The following GGACT variants were observed in gnomAD, a reference collection of about 807,000 sequenced individuals.
GGACT encodes the protein gamma-glutamylamine cyclotransferase.
For synonymous variants in GGACT, 118 were observed against 115.3 expected, an observed-to-expected ratio of 1.02 and a Z score of -0.15; for missense variants, 241 against 233.2, an observed-to-expected ratio of 1.03 and a Z score of -0.22.
rs1375048962 is a variant in GGACT at position 100,540,375 on chromosome 13, T to C, written c.-10-7774A>G. On this transcript the variant is annotated intron_variant, in intron 2 of 2. Transcript: ENST00000683975. ...TAGGTTGTGTCTTTCTAGGAATTTGTCCATTTCATCTAGGTTAGACAATTT... is the reference window on the plus strand; with the variant it reads ...TAGGTTGTGTCTTTCTAGGAATTTGCCCATTTCATCTAGGTTAGACAATTT... The C allele has an allele frequency of 7.8e-6, 5 of 643,534 alleles. No individual in the cohort carries two copies. The Admixed American group carries it at 1.1e-4, about 14-fold the overall frequency. The allele number at this position is 643,534 out of a possible 1,614,324, so 39.9% of individuals were successfully genotyped here. A position where few individuals can be genotyped will look rare whatever the true frequency, so the allele number is the denominator to read the frequency against.
At position 100,532,421 on chromosome 13, in the gene GGACT, G is replaced by T. The variant is rs753609413; in HGVS notation, c.171C>A (p.Pro57=). The change falls in exon 3 of 3, where the codon CCC becomes CCA. Residue 57 remains proline (P), a synonymous_variant. Coordinates refer to ENST00000683975, the MANE Select transcript of GGACT (RefSeq NM_001195087.2). ...EHNIPWLLHL[P]GSGRLVEGEV... ...CGCCCTCCACGAGGCGCCCCGAGCCGGGCAGGTGCAGCAGCCACGGGATGT... is the reference window on the plus strand; with the variant it reads ...CGCCCTCCACGAGGCGCCCCGAGCCTGGCAGGTGCAGCAGCCACGGGATGT... 6.5e-7 allele frequency: 1 copy of T among 1,550,064 alleles called. No individual in the cohort carries two copies.
chr13:100,571,425 T>C (rs1005236411), intron 2 of GGACT, among the ~76,000 whole-genome samples: 4 of 152,248 alleles, frequency 2.6e-5, no homozygotes, highest in Non-Finnish European at 2.9e-5. Context: ...CAGATGTGTA[T>C]GCTGTGCAGC....
chr13:100,563,268 C>T (rs1022079995), intron 2 of GGACT, among the ~76,000 whole-genome samples: 6 of 151,986 alleles, frequency 3.9e-5, no homozygotes, highest in East Asian at 1.9e-4. Flanking sequence ...ACACCCAGCA[C>T]GGGTAAAGCC....
chr13:100,569,720 T>C (rs1875022798), intron 2 of GGACT, among the ~76,000 whole-genome samples: 1 of 152,246 alleles, frequency 6.6e-6, no homozygotes, highest in African/African-American at 2.4e-5. Flanking sequence ...AATAAGTTTT[T>C]CTTTTCTATC....
Position 100,530,618 on chromosome 13 carries a change from G to A in GGACT, c.*1512C>T, listed in dbSNP as rs1746294217. On this transcript the variant is annotated 3_prime_UTR_variant, in exon 3 of 3. Transcript: ENST00000683975. ...TCATCTGATTGCCTTACTACTTCTA[G>A]AAGTGAGGCCCTCACTCCTGGTGCT... is the stretch of plus-strand genomic sequence containing the variant. 1 of 273,904 alleles carries A rather than the reference G, an allele frequency of 3.7e-6. No homozygotes were observed. Among genetic ancestry groups the A allele is most frequent in the African/African-American group, 2.3e-5 (1 of 44,260 alleles). 17.0% of individuals were successfully genotyped at this position (273,904 alleles called of 1,614,324 possible). A position where few individuals can be genotyped will look rare whatever the true frequency, so the allele number is the denominator to read the frequency against.
chr13:100,551,767 A>T (rs2088666778), intron 2 of GGACT, among the ~76,000 whole-genome samples: 1 of 152,122 alleles, frequency 6.6e-6, no homozygotes, highest in South Asian at 2.1e-4. Flanking sequence ...AATTCATGCA[A>T]ATTTGGCGTT....
At chr13:100,567,420 T>C (rs1406176817) in intron 2 of GGACT, among the ~76,000 whole-genome samples, 1 of 152,226 alleles carries the variant, frequency 6.6e-6, no homozygotes, top group Non-Finnish European at 1.5e-5. Flanking sequence ...TCTGTCCCCT[T>C]GGCCCATCTT....
Position 100,573,438 on chromosome 13 carries a change from G to A in GGACT, c.-11+10387C>T, listed in dbSNP as rs568846753. ...AAACAAAGACTTGAGTCCAATGGATGTAACACCCTTACTAATCCTTTACTA... is the reference window on the plus strand; with the variant it reads ...AAACAAAGACTTGAGTCCAATGGATATAACACCCTTACTAATCCTTTACTA... On this transcript the variant is annotated intron_variant, in intron 2 of 2. Transcript: ENST00000683975. Among the ~76,000 whole-genome samples, 182 of 152,296 alleles carry A rather than the reference G, an allele frequency of 1.2e-3. 1 individual carries two copies. The highest frequency in any genetic ancestry group is 3.4e-3 in the Admixed American group (52 of 15,298).
At chr13:100,553,168 G>A (rs2088680878) in intron 2 of GGACT, among the ~76,000 whole-genome samples, 1 of 152,218 alleles carries the variant, frequency 6.6e-6, no homozygotes, top group East Asian at 1.9e-4. Context: ...CCTGGGAGGT[G>A]CATGGCAAGA....
chr13:100,558,182 C>CAAAAAAAA (rs35098533), intron 2 of GGACT, among the ~76,000 whole-genome samples: 1 of 113,654 alleles, frequency 8.8e-6, no homozygotes. Flanking sequence ...AACTCCATCT[C>CAAAAAAAA]AAAAAAAAAA....
chr13:100,583,515 C>T (rs993230760), intron 2 of GGACT, among the ~76,000 whole-genome samples: 1 of 151,990 alleles, frequency 6.6e-6, no homozygotes, highest in Non-Finnish European at 1.5e-5. Context: ...TCTTTCCTTC[C>T]CTTTCCCTCC....
At chr13:100,560,219 A>G (rs1034195855) in intron 2 of GGACT, among the ~76,000 whole-genome samples, 10 of 152,176 alleles carry the variant, frequency 6.6e-5, no homozygotes. Flanking sequence ...TGACCCTTTA[A>G]AAAAACGCAC....
chr13:100,539,319 T>C (rs1250697188), intron 2 of GGACT: 1 of 152,500 alleles, frequency 6.6e-6, no homozygotes, highest in East Asian at 1.9e-4. Flanking sequence ...CTGGCATCAC[T>C]GAGTATCATG....
chr13:100,570,479 G>C (rs919535953), intron 2 of GGACT, among the ~76,000 whole-genome samples: 4 of 152,114 alleles, frequency 2.6e-5, no homozygotes, highest in South Asian at 4.2e-4. Context: ...GAACAGGATG[G>C]GGGGGAACCG....
At chr13:100,569,488 CA>C (rs1875014676) in intron 2 of GGACT, among the ~76,000 whole-genome samples, 1 of 152,212 alleles carries the variant, frequency 6.6e-6, no homozygotes, top group Non-Finnish European at 1.5e-5. Context: ...AACTGGGAGG[CA>C]GGGGGGCACC....
chr13:100,567,181 G>T (rs1303544815), intron 2 of GGACT, among the ~76,000 whole-genome samples: 3 of 152,160 alleles, frequency 2.0e-5, no homozygotes, highest in Admixed American at 6.5e-5. Context: ...TGACTGCCAG[G>T]CTTCTCCACA....
At chr13:100,587,547 T>A (rs1028424643) in intron 1 of GGACT, among the ~76,000 whole-genome samples, 4 of 152,228 alleles carry the variant, frequency 2.6e-5, no homozygotes, top group African/African-American at 9.6e-5. Flanking sequence ...ACGGGCAAAC[T>A]GCAGGTGCTC....
intron 2 of GGACT, among the ~76,000 whole-genome samples, chr13:100,572,984 T>C (rs1411243854): frequency 6.6e-6 from 1 of 152,160 alleles, no homozygotes; most frequent in African/African-American, 2.4e-5. Context: ...TTAATACCCT[T>C]GGAGAAGCAT....
intron 2 of GGACT, among the ~76,000 whole-genome samples, chr13:100,583,411 A>G (rs1017225733): frequency 6.6e-5 from 10 of 152,236 alleles, no homozygotes; most frequent in African/African-American, 2.4e-4. Context: ...ATGACAAAAG[A>G]TTAGTATTCT....
Sources: allele counts gnomAD v4.1 joint callset (sites outside exome capture counted in the v4.1 genomes callset), GRCh38; gene constraint gnomAD v4.1.1; transcripts MANE v1.5; gene names NCBI Gene and HGNC (gene_info 2026-07-23, HGNC 2026-07-21).